The following CEP126 variants were observed in gnomAD, a reference collection of about 807,000 sequenced individuals.
CEP126 encodes the protein centrosomal protein 126, also known as centrosomal protein of 126 kDa.
A neutral mutation model predicts 107.8 loss-of-function variants in CEP126; 74 were observed. The observed-to-expected ratio is 0.69, with a 90% CI of 0.57 to 0.83. The LOEUF (loss-of-function observed/expected upper bound fraction) is 0.83. Among genes scored for constraint, CEP126 ranks in the 40% least tolerant of loss-of-function variants. The probability of loss-of-function intolerance (pLI) is 0.00; values close to 1 mark genes in which losing one functional copy is unlikely to be tolerated. For synonymous variants in CEP126, 449 were observed against 446.0 expected (o/e 1.01, Z -0.08); for missense variants, 1,237 against 1,281.9 (o/e 0.96, Z 0.53).
chr11:101,978,289 G>T (rs1262280199), intron 6 of CEP126, 58 bp from the exon 7 acceptor site: 7 of 1,058,020 alleles, frequency 6.6e-6, no homozygotes, highest in Non-Finnish European at 8.7e-6. Context: ...TTTGCAGTGG[G>T]TATATATTGG....
intron 2 of CEP126, among the ~76,000 whole-genome samples, chr11:101,938,159 C>CAAAAAAAAAA (rs1491167740): frequency 0.027 from 1,068 of 39,158 alleles, 107 homozygotes; most frequent in Non-Finnish European, 0.043. Context: ...GACTCTGTCT[C>CAAAAAAAAAA]AAAAAAAAAA....
At chr11:101,940,101 G>A (rs1262153603) in intron 2 of CEP126, among the ~76,000 whole-genome samples, 1 of 152,026 alleles carries the variant, frequency 6.6e-6, no homozygotes, top group South Asian at 2.1e-4. Flanking sequence ...AAAATCCCTG[G>A]AACAGACATC....
intron 2 of CEP126, among the ~76,000 whole-genome samples, chr11:101,938,817 C>A (rs1940628577): frequency 6.6e-6 from 1 of 151,290 alleles, no homozygotes; most frequent in Non-Finnish European, 1.5e-5. Flanking sequence ...AGATTTTTTT[C>A]TTTGATCTAT....
At chr11:101,992,360 T>G (rs919216470) in intron 9 of CEP126, among the ~76,000 whole-genome samples, 3 of 152,080 alleles carry the variant, frequency 2.0e-5, no homozygotes, top group Non-Finnish European at 2.9e-5. Context: ...TGCTATTATA[T>G]AGACAAAAAT....
At chr11:101,938,415 T>G (rs1354968217) in intron 2 of CEP126, among the ~76,000 whole-genome samples, 6 of 149,194 alleles carry the variant, frequency 4.0e-5, no homozygotes, top group African/African-American at 1.5e-4. Flanking sequence ...TTTTTTTTTT[T>G]GCTTACTACT....
chr11:101,992,806 A>G lies in CEP126; in HGVS notation c.3273A>G (p.Pro1091=). ...TACAAGAATCCATTTGCAAAAACCC[A>G]TCCATCAAAAATACTTTACAAATAA... is the stretch of plus-strand genomic sequence containing the variant. ...HYIQESICKN[P]SIKNTLQIIP... is the part of the protein sequence containing the mutation. The change falls in exon 10 of 11, where the codon CCA becomes CCG. Residue 1091 remains proline (P), a synonymous_variant. Coordinates refer to ENST00000263468, the MANE Select transcript of CEP126 (RefSeq NM_020802.4). 6.5e-7 allele frequency: 1 copy of G among 1,531,642 alleles called. No individual in the cohort carries two copies. The highest frequency in any genetic ancestry group is 8.8e-7 in the Non-Finnish European group (1 of 1,138,142). The allele number at this position is 1,531,642 out of a possible 1,614,324, so 94.9% of individuals were successfully genotyped here. A position where few individuals can be genotyped will look rare whatever the true frequency, so the allele number is the denominator to read the frequency against.
chr11:101,971,281 G>T (rs1278249935), intron 6 of CEP126, among the ~76,000 whole-genome samples: 2 of 151,372 alleles, frequency 1.3e-5, no homozygotes, highest in Non-Finnish European at 2.9e-5. Flanking sequence ...GCCTTACTTT[G>T]TTTTTTTAAA....
At position 101,932,519 on chromosome 11, in the gene CEP126, G is replaced by A. The variant is rs140220121; in HGVS notation, c.248+9759G>A. Among the ~76,000 whole-genome samples, 42 of 152,202 alleles carry A rather than the reference G, an allele frequency of 2.8e-4. 1 individual carries two copies. In the East Asian group the frequency reaches 8.1e-3, roughly 29 times the overall value. ...ATTACAAGAAAAATACCACCTCTTA[G>A]CTTTGGAAATCTATCATTCATCATT... On this transcript the variant is annotated intron_variant, in intron 2 of 10. Coordinates refer to ENST00000263468, the MANE Select transcript of CEP126 (RefSeq NM_020802.4).
chr11:101,932,774 AC>A (rs1940520855), intron 2 of CEP126, among the ~76,000 whole-genome samples: 1 of 151,958 alleles, frequency 6.6e-6, no homozygotes, highest in South Asian at 2.1e-4. Flanking sequence ...CCTATCTCAA[AC>A]TGGAGTTTCT....
intron 4 of CEP126, among the ~76,000 whole-genome samples, chr11:101,950,598 T>C (rs1049369488): frequency 6.6e-6 from 1 of 152,180 alleles, no homozygotes; most frequent in African/African-American, 2.4e-5. Flanking sequence ...ACTAGCAAAG[T>C]AATAAAGAAG....
intron 8 of CEP126, 101 bp from the exon 9 acceptor site, chr11:101,986,731 C>A: frequency 1.3e-6 from 1 of 780,316 alleles, no homozygotes; most frequent in Non-Finnish European, 2.1e-6. Context: ...AATATGAATA[C>A]ATACAGACAG....
chr11:101,967,675 A>G lies in CEP126; in HGVS notation c.2845+3795A>G, dbSNP rs576431076. ...CACTGCTCATTTTTCTCAAACCTAC[A>G]TCAATGGGAATAAATATCCAAAATG... On this transcript the variant is annotated intron_variant, in intron 6 of 10. Transcript: ENST00000263468. 5.3e-5 allele frequency among the ~76,000 whole-genome samples: 8 copies of G among 152,324 alleles called. No individual in the cohort carries two copies. The South Asian group carries it at 1.5e-3, about 28-fold the overall frequency.
intron 3 of CEP126, among the ~76,000 whole-genome samples, chr11:101,947,215 C>G (rs895505943): frequency 3.3e-5 from 5 of 152,128 alleles, no homozygotes; most frequent in African/African-American, 1.2e-4. Flanking sequence ...GAAGTACCCA[C>G]GAAGAGCTAA....
chr11:101,959,250 A>G (rs562231954), intron 5 of CEP126, among the ~76,000 whole-genome samples: 3 of 151,420 alleles, frequency 2.0e-5, no homozygotes, highest in African/African-American at 7.3e-5. Context: ...TCCGCCTCCC[A>G]GGTTCAAGCA....
chr11:101,984,284 G>T (rs1392116851), intron 8 of CEP126, among the ~76,000 whole-genome samples: 1 of 152,162 alleles, frequency 6.6e-6, no homozygotes, highest in African/African-American at 2.4e-5. Flanking sequence ...AGACACAATT[G>T]TGCATTCCTG....
At chr11:101,946,515 T>A (rs1940738716) in intron 3 of CEP126, among the ~76,000 whole-genome samples, 1 of 150,546 alleles carries the variant, frequency 6.6e-6, no homozygotes, top group South Asian at 2.1e-4. Flanking sequence ...CTCAAAAAAA[T>A]AAATAAATAA....
chr11:101,967,836 C>T (rs1219051720), intron 6 of CEP126, among the ~76,000 whole-genome samples: 1 of 152,044 alleles, frequency 6.6e-6, no homozygotes, highest in Non-Finnish European at 1.5e-5. Flanking sequence ...ACATCAAACT[C>T]GGAATAGTGA....
At chr11:101,957,536 C>T (rs1450310995) in intron 4 of CEP126, among the ~76,000 whole-genome samples, 1 of 152,114 alleles carries the variant, frequency 6.6e-6, no homozygotes, top group African/African-American at 2.4e-5. Context: ...AAGGTAGACT[C>T]TATATTAAGG....
chr11:101,982,859 CA>C (rs1370807693), intron 8 of CEP126, among the ~76,000 whole-genome samples: 1 of 152,108 alleles, frequency 6.6e-6, no homozygotes, highest in Non-Finnish European at 1.5e-5. Flanking sequence ...GAAAATTTTA[CA>C]CCTGACTTCA....
Sources: allele counts gnomAD v4.1 joint callset (sites outside exome capture counted in the v4.1 genomes callset), GRCh38; gene constraint gnomAD v4.1.1; transcripts MANE v1.5; gene names NCBI Gene and HGNC (gene_info 2026-07-23, HGNC 2026-07-21).